The following PPP2R5A variants were observed in gnomAD, a reference collection of about 807,000 sequenced individuals.
The protein encoded by PPP2R5A is protein phosphatase 2 regulatory subunit B'alpha.
Under a neutral mutation model 64.2 loss-of-function variants are expected in PPP2R5A, and 25 were observed. The ratio of observed to expected loss-of-function variants is 0.39; its 90% confidence interval spans 0.28 to 0.54. PPP2R5A has a LOEUF of 0.54. Among genes scored for constraint, PPP2R5A ranks in the 20% least tolerant of loss-of-function variants. The pLI is 0.67. For synonymous variants in PPP2R5A, 198 were observed against 201.2 expected (o/e 0.98, Z 0.13); for missense variants, 425 against 576.3 (o/e 0.74, Z 2.69).
intron 1 of PPP2R5A, among the ~76,000 whole-genome samples, chr1:212,295,402 GA>G (rs532053507): frequency 1.4e-3 from 207 of 152,328 alleles, no homozygotes; most frequent in African/African-American, 5.0e-3. Context: ...TGGACAGGTC[GA>G]AGTGTCCATG....
intron 1 of PPP2R5A, chr1:212,299,478 T>A (rs1346388571): frequency 1.3e-5 from 2 of 152,248 alleles, no homozygotes; most frequent in Admixed American, 6.5e-5. Flanking sequence ...GAAAACTTTT[T>A]AAAATACTCT....
chr1:212,302,957 T>C (rs966163862), intron 1 of PPP2R5A, among the ~76,000 whole-genome samples: 3 of 152,250 alleles, frequency 2.0e-5, no homozygotes, highest in African/African-American at 4.8e-5. Flanking sequence ...TAATATTCTA[T>C]TGTATGGTTA....
At chr1:212,287,456 A>G (rs1176799856) in intron 1 of PPP2R5A, among the ~76,000 whole-genome samples, 2 of 152,306 alleles carry the variant, frequency 1.3e-5, no homozygotes, top group Admixed American at 1.3e-4. Flanking sequence ...GAGTCTAAAG[A>G]AAACCCCAGA....
intron 1 of PPP2R5A, among the ~76,000 whole-genome samples, chr1:212,293,714 G>A (rs1480975652): frequency 1.3e-5 from 2 of 151,654 alleles, no homozygotes; most frequent in African/African-American, 4.8e-5. Flanking sequence ...TTTTGGTGGG[G>A]GTAGTCTAAC....
chr1:212,324,135 A>C (rs1659365803), intron 1 of PPP2R5A, among the ~76,000 whole-genome samples: 1 of 152,178 alleles, frequency 6.6e-6, no homozygotes, highest in South Asian at 2.1e-4. Context: ...CGATGGGGCT[A>C]TGTAATGAGA....
At position 212,361,673 on chromosome 1, in the gene PPP2R5A, G is replaced by A. The variant is rs1660085506; in HGVS notation, c.*903G>A. On this transcript the variant is annotated 3_prime_UTR_variant, in exon 13 of 13. Transcript: ENST00000261461. ...AACTGCAGTAGGCTTCCTCTGTAGA[G>A]CTCTGAAAAGGTTGACTATATAGAG... 1 of 152,670 alleles carries A rather than the reference G, an allele frequency of 6.6e-6. No homozygotes were observed. The allele number at this position is 152,670 out of a possible 1,614,324, so 9.5% of individuals were successfully genotyped here. A position where few individuals can be genotyped will look rare whatever the true frequency, so the allele number is the denominator to read the frequency against.
chr1:212,332,161 A>C (rs556898402), intron 2 of PPP2R5A, among the ~76,000 whole-genome samples: 175 of 152,304 alleles, frequency 1.1e-3, no homozygotes, highest in African/African-American at 3.8e-3. Context: ...CTTTGCCCTC[A>C]AGTACTGACT....
Position 212,348,492 on chromosome 1 carries a change from G to A in PPP2R5A, c.868G>A (p.Ala290Thr), listed in dbSNP as rs745804683. The A allele has an allele frequency of 1.3e-5, 20 of 1,568,884 alleles. No homozygotes were observed. The Middle Eastern group carries it at 5.0e-4, about 39-fold the overall frequency. ...TGCAAAAGGATTAGCTTTGTTTCAT[G>A]CTCAGGTAAGTTTCAGAAACATTTC... The part of the protein sequence containing the change: ...HTAKGLALFH[A>T]QLAYCVVQFL... The change falls in exon 7 of 13, where the codon GCT becomes ACT. Residue 290 changes from alanine (A) to threonine (T), a missense_variant. By Grantham distance (58) the Ala-to-Thr change is moderately conservative (BLOSUM62 0). Around this residue, in one of 4 missense-constraint regions of PPP2R5A, gnomAD observed 177 missense variants for 244.8 expected, o/e 0.72. Coordinates refer to ENST00000261461, the MANE Select transcript of PPP2R5A (RefSeq NM_006243.4).
intron 1 of PPP2R5A, among the ~76,000 whole-genome samples, chr1:212,317,110 A>G (rs972067901): frequency 6.6e-6 from 1 of 152,102 alleles, no homozygotes; most frequent in Non-Finnish European, 1.5e-5. Flanking sequence ...TTATTCTAGG[A>G]CTTGACTTCC....
intron 3 of PPP2R5A, among the ~76,000 whole-genome samples, chr1:212,337,565 A>G (rs1307340483): frequency 6.6e-6 from 1 of 152,182 alleles, no homozygotes; most frequent in Non-Finnish European, 1.5e-5. Flanking sequence ...TTCATGGGCT[A>G]AGAATCCAAA....
At chr1:212,321,058 G>C (rs914190221) in intron 1 of PPP2R5A, among the ~76,000 whole-genome samples, 1 of 93,624 alleles carries the variant, frequency 1.1e-5, no homozygotes, top group African/African-American at 4.6e-5. Context: ...GGCTGGCCGG[G>C]CGGGGGGCTG....
chr1:212,321,164 T>C (rs1286888990), intron 1 of PPP2R5A, among the ~76,000 whole-genome samples: 19 of 121,862 alleles, frequency 1.6e-4, no homozygotes, highest in South Asian at 5.8e-4. Flanking sequence ...CCTCACCTCC[T>C]GGATGGGGCG....
chr1:212,324,351 CA>C (rs1421603469), intron 1 of PPP2R5A, among the ~76,000 whole-genome samples: 1 of 152,110 alleles, frequency 6.6e-6, no homozygotes, highest in Non-Finnish European at 1.5e-5. Context: ...TATATGGGAC[CA>C]CCATCACATA....
At chr1:212,308,639 C>T (rs1466375754) in intron 1 of PPP2R5A, among the ~76,000 whole-genome samples, 1 of 152,070 alleles carries the variant, frequency 6.6e-6, no homozygotes, top group Non-Finnish European at 1.5e-5. Flanking sequence ...AAACTCCTGA[C>T]CTCAGGTGAT....
chr1:212,316,569 T>TA (rs1659156702), intron 1 of PPP2R5A, among the ~76,000 whole-genome samples: 2 of 147,772 alleles, frequency 1.4e-5, no homozygotes, highest in Non-Finnish European at 3.0e-5. Flanking sequence ...TCCATGGATA[T>TA]TTAACCTTTG....
intron 7 of PPP2R5A, among the ~76,000 whole-genome samples, 161 bp from the exon 8 acceptor site, chr1:212,349,028 T>C (rs1659831129): frequency 6.6e-6 from 1 of 152,194 alleles, no homozygotes. Flanking sequence ...AGTTTCACGA[T>C]TGAGGTATTT....
intron 3 of PPP2R5A, among the ~76,000 whole-genome samples, chr1:212,340,349 A>G (rs1659666766): frequency 6.6e-6 from 1 of 152,154 alleles, no homozygotes; most frequent in Admixed American, 6.5e-5. Flanking sequence ...TCTGTGCCAC[A>G]TAATATAATT....
At chr1:212,311,120 T>C (rs1345936962) in intron 1 of PPP2R5A, among the ~76,000 whole-genome samples, 1 of 152,178 alleles carries the variant, frequency 6.6e-6, no homozygotes, top group African/African-American at 2.4e-5. Flanking sequence ...GAACAAGGCA[T>C]GACTCACATG....
chr1:212,311,322 G>A (rs989487211), intron 1 of PPP2R5A, among the ~76,000 whole-genome samples: 2 of 152,082 alleles, frequency 1.3e-5, no homozygotes, highest in Non-Finnish European at 2.9e-5. Context: ...CGAAAAATTA[G>A]TCGGGTGTGG....
Sources: gnomAD v4.1 joint callset for allele counts (sites outside exome capture counted in the v4.1 genomes callset) on GRCh38, gnomAD v4.1.1 for gene constraint, gnomAD v4.1.1 regional missense constraint, MANE v1.5 for transcripts, NCBI Gene and HGNC (gene_info 2026-07-23, HGNC 2026-07-21) for gene names.